KDM3B: variants seen among roughly 807,000 people sequenced by gnomAD.
KDM3B encodes lysine-specific demethylase 3B.
Under a neutral mutation model 170.0 loss-of-function variants are expected in KDM3B, and 10 were observed. The observed-to-expected ratio is 0.06, with a 90% CI of 0.04 to 0.10. The LOEUF (loss-of-function observed/expected upper bound fraction) is 0.10. Ranked by LOEUF, KDM3B falls within the 10% of genes least tolerant of loss-of-function variation. The probability of loss-of-function intolerance (pLI) is 1.00; values close to 1 mark genes in which losing one functional copy is unlikely to be tolerated. For missense variants in KDM3B, 1,394 were observed against 2,195.2 expected (o/e 0.64, Z 7.29); for synonymous variants, 831 against 834.8 (o/e 1.00, Z 0.08).
chr5:138,372,890 ATATAAC>A, intron 2 of KDM3B, 49 bp downstream of exon 2: 1 of 1,515,648 alleles, frequency 6.6e-7, no homozygotes, highest in Non-Finnish European at 9.0e-7. Flanking sequence ...TACTCCTATA[ATATAAC>A]TATGACATGT....
intron 5 of KDM3B, 119 bp downstream of exon 5, chr5:138,379,827 T>G: frequency 2.2e-6 from 2 of 901,038 alleles, no homozygotes; most frequent in Non-Finnish European, 3.3e-6. Flanking sequence ...CTCTATTACT[T>G]AATAGTTGTA....
intron 8 of KDM3B, 55 bp from the exon 9 acceptor site, chr5:138,393,116 A>G (rs558324507): frequency 8.6e-6 from 13 of 1,505,300 alleles, no homozygotes; most frequent in African/African-American, 6.9e-5. Context: ...GAATCATGCT[A>G]TTGGTTCCTG....
intron 9 of KDM3B, chr5:138,397,860 TAA>T (rs778330478): frequency 1.9e-3 from 296 of 155,984 alleles, no homozygotes; most frequent in Middle Eastern, 5.9e-3. Context: ...GACTCTGTCT[TAA>T]AAAAAAAAAA....
intron 7 of KDM3B, among the ~76,000 whole-genome samples, chr5:138,390,102 G>A (rs906294334): frequency 1.3e-5 from 2 of 151,850 alleles, no homozygotes; most frequent in African/African-American, 4.8e-5. Flanking sequence ...CTCGTGATCC[G>A]CCCATGTCAG....
Position 138,427,083 on chromosome 5 carries a change from G to A in KDM3B, c.4502+18G>A, listed in dbSNP as rs752972397. 1 of 1,611,468 alleles carries A rather than the reference G, an allele frequency of 6.2e-7. No individual in the cohort carries two copies. The highest frequency in any genetic ancestry group is 8.5e-7 in the Non-Finnish European group (1 of 1,177,736). On this transcript the variant is annotated intron_variant, in intron 18 of 23. Transcript: ENST00000314358. The stretch of plus-strand genomic sequence containing the variant: ...CCAACCAGGTTAGTGACCTGCAGTG[G>A]TGTCATCTTCAGAAGCCATCACAAA...
At chr5:138,377,116 C>T (rs1349883650) in intron 3 of KDM3B, among the ~76,000 whole-genome samples, 2 of 152,290 alleles carry the variant, frequency 1.3e-5, no homozygotes, top group African/African-American at 4.8e-5. Context: ...ATGTCTTCCT[C>T]GCTCGTTAGG....
At chr5:138,353,046 C>G (rs1761367034) in intron 1 of KDM3B, 59 bp downstream of exon 1, 2 of 1,181,270 alleles carry the variant, frequency 1.7e-6, no homozygotes, top group Admixed American at 8.8e-5. Flanking sequence ...CGGGCGGCCT[C>G]CCCGGGGGCC....
At chr5:138,413,382 CAA>C (rs1001856833) in intron 11 of KDM3B, among the ~76,000 whole-genome samples, 11 of 113,430 alleles carry the variant, frequency 9.7e-5, no homozygotes, top group Non-Finnish European at 7.5e-5. Flanking sequence ...GACTCCATCT[CAA>C]AAAAAAAAAA....
chr5:138,387,216 A>G (rs79528890), intron 7 of KDM3B, among the ~76,000 whole-genome samples: 8 of 152,316 alleles, frequency 5.3e-5, no homozygotes, highest in Non-Finnish European at 1.2e-4. Context: ...ATATGCATAT[A>G]TTGTTGCTAA....
rs1209993726 is a variant in KDM3B at position 138,420,737 on chromosome 5, A to G, written c.3747A>G (p.Lys1249=). 2 of 1,614,144 alleles carry G rather than the reference A, an allele frequency of 1.2e-6. No individual in the cohort carries two copies. Among genetic ancestry groups the G allele is most frequent in the Admixed American group, 3.3e-5 (2 of 60,016 alleles). The change falls in exon 15 of 24, where the codon AAA becomes AAG. Residue 1249 remains lysine (K), a synonymous_variant. Coordinates refer to ENST00000314358, the MANE Select transcript of KDM3B (RefSeq NM_016604.4). ...EAGSLRSVLN[K]ESHSPFGLDS... is the part of the protein sequence containing the mutation. Reference sequence around the variant, plus strand: ...GGTCCCTGAGGTCGGTGCTCAATAAAGAGTCTCATTCACCCTTTGGGCTGG... The same window carrying G: ...GGTCCCTGAGGTCGGTGCTCAATAAGGAGTCTCATTCACCCTTTGGGCTGG...
At chr5:138,434,177 G>A (rs951555125) in intron 23 of KDM3B, among the ~76,000 whole-genome samples, 2 of 152,114 alleles carry the variant, frequency 1.3e-5, no homozygotes, top group Non-Finnish European at 2.9e-5. Context: ...GATTACTTGA[G>A]CCCAGGAGTT....
intron 5 of KDM3B, among the ~76,000 whole-genome samples, chr5:138,379,921 C>T (rs1162621501): frequency 6.6e-6 from 1 of 152,112 alleles, no homozygotes; most frequent in Non-Finnish European, 1.5e-5. Context: ...CCCCCACTGA[C>T]CTTACAACAC....
Position 138,415,117 on chromosome 5 carries a change from T to C in KDM3B, c.3200-15T>C. ...TGTGACCCTTATAAAATAAGTGAAA[T>C]CATTTCTATTTCAGAGACAGAAGAG... On this transcript the variant is annotated splice_polypyrimidine_tract_variant and intron_variant, in intron 11 of 23. Transcript: ENST00000314358. 1.2e-5 allele frequency: 19 copies of C among 1,551,854 alleles called. No homozygotes were observed. The highest frequency in any genetic ancestry group is 1.7e-5 in the Non-Finnish European group (19 of 1,132,000).
chr5:138,406,353 A>G (rs567594820), intron 11 of KDM3B, among the ~76,000 whole-genome samples: 110 of 152,264 alleles, frequency 7.2e-4, no homozygotes, highest in Non-Finnish European at 1.1e-3. Context: ...TCAAAAAAAG[A>G]AAAGTTAAGG....
chr5:138,419,668 A>AAATATATAT (rs1408643891), intron 14 of KDM3B, among the ~76,000 whole-genome samples: 4 of 109,230 alleles, frequency 3.7e-5, no homozygotes, highest in African/African-American at 1.5e-4. Flanking sequence ...AAAAAAAAAA[A>AAATATATAT]ATATATATAT....
Position 138,417,606 on chromosome 5 carries a change from C to T in KDM3B, c.3431C>T (p.Ser1144Leu), listed in dbSNP as rs746920623. Residue 1144 changes from serine (S) to leucine (L), a missense_variant, in exon 13 of 24, where the codon TCA (serine) becomes TTA (leucine). Around this residue, in one of 19 missense-constraint regions of KDM3B, gnomAD observed 14 missense variants for 32.5 expected, o/e 0.43. Coordinates refer to ENST00000314358, the MANE Select transcript of KDM3B (RefSeq NM_016604.4). ...AGACCTGCCGTCACCAATGGGATGT[C>T]ACAGGTAAACTGGTGTGTGTGGGTA... is the stretch of plus-strand genomic sequence containing the variant. Reference protein sequence around the residue: ...VLRPAVTNGMSQLPSINPSAS... With the variant: ...VLRPAVTNGMLQLPSINPSAS... 1.9e-6 allele frequency: 3 copies of T among 1,613,766 alleles called. No homozygotes were observed. In the African/African-American group the frequency reaches 4.0e-5, roughly 22 times the overall value.
chr5:138,409,919 C>T (rs951158947), intron 11 of KDM3B, among the ~76,000 whole-genome samples: 5 of 152,226 alleles, frequency 3.3e-5, no homozygotes, highest in African/African-American at 1.2e-4. Flanking sequence ...GAAACCCTGT[C>T]TCTACTAAAA....
In KDM3B at chr5:138,399,897, G is replaced by T. The variant is rs757022729; in HGVS notation, c.3084G>T (p.Arg1028=). ...GGAAGCGAGCTGTGCGTGGTGTACG[G>T]GAGATGTGTGATGTGTGTGAAACAA... The part of the protein sequence containing the change: ...VAWKRAVRGV[R]EMCDVCETTL... Residue 1028 remains arginine (R), a synonymous_variant, in exon 11 of 24, where the codon CGG becomes CGT. Coordinates refer to ENST00000314358, the MANE Select transcript of KDM3B (RefSeq NM_016604.4). 52 of 1,614,036 alleles carry T rather than the reference G, an allele frequency of 3.2e-5. No homozygotes were observed. Among genetic ancestry groups the T allele is most frequent in the Non-Finnish European group, 4.2e-5 (50 of 1,180,024 alleles).
chr5:138,432,573 G>A (rs539080274), intron 23 of KDM3B, among the ~76,000 whole-genome samples: 1 of 152,048 alleles, frequency 6.6e-6, no homozygotes, highest in South Asian at 2.1e-4. Context: ...AGAGGCTGAG[G>A]CAGGAGAATC....
Sources: gnomAD v4.1 joint callset for allele counts (sites outside exome capture counted in the v4.1 genomes callset) on GRCh38, gnomAD v4.1.1 for gene constraint, gnomAD v4.1.1 regional missense constraint, MANE v1.5 for transcripts, NCBI Gene and HGNC (gene_info 2026-07-23, HGNC 2026-07-21) for gene names.